The following OOEP variants were observed in gnomAD, a reference collection of about 807,000 sequenced individuals.
OOEP encodes oocyte-expressed protein homolog.
A neutral mutation model predicts 13.7 loss-of-function variants in OOEP; 16 were observed. The observed-to-expected ratio is 1.16, with a 90% confidence interval of 0.79 to 1.77. The LOEUF (loss-of-function observed/expected upper bound fraction) is 1.77. Ranked by LOEUF, OOEP falls within the 40% of genes most tolerant of loss-of-function variation. The pLI is 0.00. For missense variants in OOEP, 195 were observed against 193.1 expected (o/e 1.01, Z -0.06); for synonymous variants, 89 against 77.1 (o/e 1.15, Z -0.81).
intron 2 of OOEP, among the ~76,000 whole-genome samples, chr6:73,386,977 G>GAAAAAAAAA (rs1169476638): frequency 9.7e-5 from 3 of 30,882 alleles, no homozygotes; most frequent in African/African-American, 1.4e-4. Flanking sequence ...TTCCATCTCA[G>GAAAAAAAAA]AAAAAAAAAA....
In OOEP at chr6:73,368,873, A is replaced by C; in HGVS notation, c.371-10T>G. Reference sequence around the variant, plus strand: ...TGTTTCATCTTCTCAGCTGGAAGAGAAGCAGTTGATACTAACCATGGACAG... The same window carrying C: ...TGTTTCATCTTCTCAGCTGGAAGAGCAGCAGTTGATACTAACCATGGACAG... On this transcript the variant is annotated splice_polypyrimidine_tract_variant and intron_variant, in intron 2 of 2. Transcript: ENST00000370359. 2.5e-6 allele frequency: 4 copies of C among 1,606,998 alleles called. No homozygotes were observed. The highest frequency in any genetic ancestry group is 3.4e-6 in the Non-Finnish European group (4 of 1,173,654).
intron 2 of OOEP, among the ~76,000 whole-genome samples, chr6:73,383,588 T>C (rs917461324): frequency 2.6e-5 from 4 of 151,940 alleles, no homozygotes; most frequent in African/African-American, 9.7e-5. Context: ...TGAGCCGAGA[T>C]TGCGCCACTG....
chr6:73,390,811 A>G (rs1769338134), intron 2 of OOEP, among the ~76,000 whole-genome samples: 1 of 150,018 alleles, frequency 6.7e-6, no homozygotes. Flanking sequence ...CATGTTGGCC[A>G]GGCTGGTCTC....
At chr6:73,386,775 G>A (rs1305602058) in intron 2 of OOEP, among the ~76,000 whole-genome samples, 1 of 151,810 alleles carries the variant, frequency 6.6e-6, no homozygotes, top group Non-Finnish European at 1.5e-5. Context: ...GGACCAGCAT[G>A]GCCAACGTGG....
At chr6:73,387,048 A>AC (rs1262275419) in intron 2 of OOEP, among the ~76,000 whole-genome samples, 5 of 150,786 alleles carry the variant, frequency 3.3e-5, no homozygotes, top group Admixed American at 1.3e-4. Flanking sequence ...AACTCTTAGC[A>AC]GAAAACAGAA....
At chr6:73,385,129 T>G (rs937024313) in intron 2 of OOEP, among the ~76,000 whole-genome samples, 17 of 151,432 alleles carry the variant, frequency 1.1e-4, no homozygotes, top group East Asian at 4.0e-4. Flanking sequence ...GGCAGATCAC[T>G]AGGTCAGGAG....
In OOEP at chr6:73,369,591, G is replaced by C. The variant is rs1188995692; in HGVS notation, c.190+12C>G. On this transcript the variant is annotated intron_variant, in intron 1 of 2. Coordinates refer to ENST00000370359, the MANE Select transcript of OOEP (RefSeq NM_001080507.3). The stretch of plus-strand genomic sequence containing the variant: ...AGGTGGACAGCCCACTAGCACACCT[G>C]GGGTCGCTCACCAAAGAGCTCGTCT... The C allele has an allele frequency of 1.2e-6, 2 of 1,611,560 alleles. No individual in the cohort carries two copies. The highest frequency in any genetic ancestry group is 1.7e-6 in the Non-Finnish European group (2 of 1,178,108).
intron 2 of OOEP, among the ~76,000 whole-genome samples, chr6:73,379,086 A>G (rs1384515755): frequency 1.3e-5 from 2 of 151,700 alleles, no homozygotes; most frequent in African/African-American, 4.8e-5. Context: ...GTGCAGTGGC[A>G]TGATCTCGGC....
exon 1 of OOEP, chr6:73,394,838 TACG>T: frequency 1.3e-6 from 2 of 1,576,208 alleles, no homozygotes; most frequent in Non-Finnish European, 1.7e-6. Context: ...ACGCTACTCT[TACG>T]ACGTCACGGT....
In OOEP at chr6:73,380,512, T is replaced by C. The variant is rs142163017; in HGVS notation, c.26-11127A>G. On this transcript the variant is annotated intron_variant, in intron 2 of 3. Transcript: ENST00000370363. The stretch of plus-strand genomic sequence containing the variant: ...TGCGGCAGATCCATACAATGAAATG[T>C]TATATACCATTGAAAATTAATAAAC... Among the ~76,000 whole-genome samples, 51 of 152,254 alleles carry C rather than the reference T, an allele frequency of 3.3e-4. No homozygotes were observed. In the East Asian group the frequency reaches 8.7e-3, roughly 26 times the overall value.
chr6:73,369,500 C>G (rs1158273040), intron 1 of OOEP, 103 bp downstream of exon 1: 11 of 1,501,376 alleles, frequency 7.3e-6, no homozygotes, highest in Non-Finnish European at 9.1e-6. Context: ...CACTGCAACA[C>G]TCCTGGCTTG....
At chr6:73,385,301 G>A (rs2150782519) in intron 2 of OOEP, among the ~76,000 whole-genome samples, 2 of 151,698 alleles carry the variant, frequency 1.3e-5, no homozygotes, top group South Asian at 4.2e-4. Context: ...AGCCAAGATT[G>A]CGCCACTGCA....
chr6:73,369,834 G>T lies in OOEP; in HGVS notation c.-42C>A, dbSNP rs780652900. On this transcript the variant is annotated 5_prime_UTR_variant, in exon 1 of 3. Coordinates refer to ENST00000370359, the MANE Select transcript of OOEP (RefSeq NM_001080507.3). Reference sequence around the variant, plus strand: ...GCGGAGCGCGCTCGAGGCGGCTTTCGCAAGACCTCTTCCAGACCCAGGCGC... The same window carrying T: ...GCGGAGCGCGCTCGAGGCGGCTTTCTCAAGACCTCTTCCAGACCCAGGCGC... 4 of 1,569,304 alleles carry T rather than the reference G, an allele frequency of 2.5e-6. No homozygotes were observed. The East Asian group carries it at 9.0e-5, about 35-fold the overall frequency.
At chr6:73,394,515 C>A in intron 1 of OOEP, 2 of 607,124 alleles carry the variant, frequency 3.3e-6, no homozygotes, top group Non-Finnish European at 5.8e-6. Flanking sequence ...AAAAAAGTTT[C>A]CAAGGCACTG....
rs117881144 is a variant in OOEP, at chr6:73,384,687, C to G, written c.25+9659G>C. ...ACTCCATCACTTGAAGTCCTGGGCT[C>G]AAGTGATCAGCCTGCCTCAACCTCC... is the stretch of plus-strand genomic sequence containing the variant. On this transcript the variant is annotated intron_variant, in intron 2 of 3. Coordinates refer to the OOEP transcript ENST00000370363. 2.9e-3 allele frequency among the ~76,000 whole-genome samples: 446 copies of G among 151,718 alleles called. 3 individuals carry two copies. The highest frequency in any genetic ancestry group is 0.024 in the Middle Eastern group (7 of 292).
At chr6:73,374,866 C>T (rs1186921033), upstream of OOEP, among the ~76,000 whole-genome samples, 1 of 152,176 alleles carries the variant, frequency 6.6e-6, no homozygotes, top group East Asian at 1.9e-4. Flanking sequence ...GCTCTTGTCG[C>T]CCAGGCTGGA....
Position 73,368,716 on chromosome 6 carries a change from T to A in OOEP, c.*68A>T. On this transcript the variant is annotated 3_prime_UTR_variant, in exon 3 of 3. Transcript: ENST00000370359. ...ATACGGGGATTTAAGAATGCTATAC[T>A]TGCTTTTCTTCAACTTTAGCAGCAA... The A allele has an allele frequency of 9.6e-7, 1 of 1,037,846 alleles. No individual in the cohort carries two copies. 64.3% of individuals were successfully genotyped at this position (1,037,846 alleles called of 1,614,324 possible).
chr6:73,394,420 T>C (rs1050420443), exon 2 of OOEP: 3 of 710,694 alleles, frequency 4.2e-6, no homozygotes, highest in African/African-American at 3.5e-5. Context: ...AGGCCGAGGC[T>C]GGAAGATCAC....
chr6:73,390,738 A>T (rs1769336839), intron 2 of OOEP, among the ~76,000 whole-genome samples: 1 of 150,340 alleles, frequency 6.7e-6, no homozygotes, highest in African/African-American at 2.4e-5. Flanking sequence ...CACCATGCCC[A>T]GCTAATTTTT....
Sources: allele counts gnomAD v4.1 joint callset (sites outside exome capture counted in the v4.1 genomes callset), GRCh38; gene constraint gnomAD v4.1.1; transcripts MANE v1.5; gene names NCBI Gene and HGNC (gene_info 2026-07-23, HGNC 2026-07-21).